Variants in GLI3 observed in about 807,000 individuals in gnomAD.
GLI3 encodes GLI family zinc finger 3, also known as transcription activator GLI3.
GLI3 carries 20 observed loss-of-function variants against 100.8 expected under a neutral mutation model. That is an observed-to-expected ratio of 0.20 (90% CI 0.14 to 0.29). The LOEUF is 0.29. Ranked by LOEUF, GLI3 falls within the 10% of genes least tolerant of loss-of-function variation. GLI3 has a pLI of 1.00. For synonymous variants in GLI3, 938 were observed against 860.5 expected, an observed-to-expected ratio of 1.09 and a Z score of -1.58; for missense variants, 2,040 against 2,128.5, an observed-to-expected ratio of 0.96 and a Z score of 0.82.
chr7:41,995,359 T>G (rs1478207912), intron 10 of GLI3, among the ~76,000 whole-genome samples: 1 of 152,134 alleles, frequency 6.6e-6, no homozygotes. Context: ...GAACCTGGTG[T>G]GTAGGCTGCA....
rs369643572 is a variant in GLI3, at chr7:41,967,736, T to C, written c.2291A>G (p.Gln764Arg). The C allele has an allele frequency of 6.2e-7, 1 of 1,614,234 alleles. No homozygotes were observed. Among genetic ancestry groups the C allele is most frequent in the Non-Finnish European group, 8.5e-7 (1 of 1,180,046 alleles). Residue 764 changes from glutamine to arginine, a missense_variant, in exon 14 of 15, where the codon CAA (glutamine) becomes CGA (arginine). Gln to Arg is a conservative substitution (Grantham distance 43, BLOSUM62 1). Coordinates refer to ENST00000395925, the MANE Select transcript of GLI3 (RefSeq NM_000168.6). ...ISTATTALALQARRNPAGTKW... is the reference protein window; with the variant it reads ...ISTATTALALRARRNPAGTKW... ...GGTCCCTGCCGGGTTTCTCCTGGCT[T>C]GCAAAGCAAGGGCTGTGGTTGCAGT...
intron 2 of GLI3, among the ~76,000 whole-genome samples, chr7:42,191,942 C>T (rs1787836444): frequency 6.6e-6 from 1 of 151,840 alleles, no homozygotes; most frequent in Non-Finnish European, 1.5e-5. Flanking sequence ...GCCAAAAGGT[C>T]ATACAAGCTA....
chr7:42,181,530 A>C (rs1457698820), intron 2 of GLI3, among the ~76,000 whole-genome samples: 1 of 152,128 alleles, frequency 6.6e-6, no homozygotes, highest in African/African-American at 2.4e-5. Flanking sequence ...GCCTGAGCCC[A>C]GGAGGTCAAG....
intron 10 of GLI3, among the ~76,000 whole-genome samples, chr7:41,984,387 C>A (rs1787755931): frequency 6.6e-6 from 1 of 152,202 alleles, no homozygotes. Flanking sequence ...GGGAAGTACA[C>A]TTCTGCTTTC....
intron 2 of GLI3, among the ~76,000 whole-genome samples, chr7:42,174,678 G>A (rs1171722743): frequency 3.9e-5 from 6 of 152,104 alleles, no homozygotes; most frequent in Non-Finnish European, 5.9e-5. Flanking sequence ...CACAGACCTC[G>A]GCTTTCATCT....
intron 2 of GLI3, among the ~76,000 whole-genome samples, chr7:42,182,987 T>C (rs1267043623): frequency 6.6e-6 from 1 of 151,574 alleles, no homozygotes; most frequent in Admixed American, 6.6e-5. Context: ...CTGGGAGGCC[T>C]AGGTGGGCAG....
At chr7:42,123,952 G>A (rs1039151259) in intron 3 of GLI3, among the ~76,000 whole-genome samples, 1 of 152,166 alleles carries the variant, frequency 6.6e-6, no homozygotes, top group African/African-American at 2.4e-5. Flanking sequence ...AGATTCGCAA[G>A]GTTGGTTCTG....
At chr7:42,009,865 C>G (rs1305997883) in intron 10 of GLI3, among the ~76,000 whole-genome samples, 1 of 152,224 alleles carries the variant, frequency 6.6e-6, no homozygotes, top group Non-Finnish European at 1.5e-5. Flanking sequence ...CTCCCCGTTC[C>G]TGGATCCCAC....
intron 2 of GLI3, among the ~76,000 whole-genome samples, chr7:42,182,888 C>G (rs1161982461): frequency 6.6e-6 from 1 of 151,258 alleles, no homozygotes; most frequent in Non-Finnish European, 1.5e-5. Context: ...TCAAGAATGG[C>G]CTGGCCAACA....
chr7:42,229,003 C>T (rs1344727608), intron 1 of GLI3, among the ~76,000 whole-genome samples: 2 of 152,180 alleles, frequency 1.3e-5, no homozygotes, highest in Non-Finnish European at 2.9e-5. Flanking sequence ...AAACCTCTAA[C>T]CCCCATGGGA....
chr7:42,014,937 G>A (rs985861515), intron 10 of GLI3, among the ~76,000 whole-genome samples: 21 of 152,224 alleles, frequency 1.4e-4, no homozygotes, highest in African/African-American at 4.6e-4. Flanking sequence ...ATTTTTAAAT[G>A]TTCATAAAAG....
chr7:42,089,704 A>G (rs949876003), intron 3 of GLI3, among the ~76,000 whole-genome samples: 4 of 152,222 alleles, frequency 2.6e-5, no homozygotes, highest in Non-Finnish European at 4.4e-5. Flanking sequence ...CTAGATTTCT[A>G]TAAAAACAAA....
At chr7:42,182,646 A>G (rs11767406) in intron 2 of GLI3, among the ~76,000 whole-genome samples, 15,884 of 61,790 alleles carry the variant, frequency 0.26, 1,628 homozygotes, top group South Asian at 0.38. Flanking sequence ...ATGTGTGTGT[A>G]TATATATATA....
intron 1 of GLI3, among the ~76,000 whole-genome samples, chr7:42,229,912 G>A (rs1431869515): frequency 3.9e-5 from 6 of 152,082 alleles, no homozygotes; most frequent in African/African-American, 1.4e-4. Context: ...ATGTATTCAT[G>A]CACCACAGAA....
chr7:42,137,605 T>C (rs1298011425), intron 3 of GLI3, among the ~76,000 whole-genome samples: 1 of 152,146 alleles, frequency 6.6e-6, no homozygotes, highest in Non-Finnish European at 1.5e-5. Flanking sequence ...ACAACATTCC[T>C]ACCCAAGTCT....
At chr7:42,040,303 C>T in intron 6 of GLI3, 64 bp from the exon 7 acceptor site, 1 of 1,189,300 alleles carries the variant, frequency 8.4e-7, no homozygotes, top group Non-Finnish European at 1.3e-6. Flanking sequence ...CTATTTATTG[C>T]TACTTGCCTA....
chr7:42,251,486 G>A (rs1362418048), intron 1 of GLI3, among the ~76,000 whole-genome samples: 2 of 152,142 alleles, frequency 1.3e-5, no homozygotes, highest in South Asian at 4.1e-4. Context: ...TTGGGGGAGT[G>A]GCTGGGGACC....
At position 41,961,424 on chromosome 7, in the gene GLI3, C is replaced by G. The variant is rs552163873; in HGVS notation, c.*2906G>C. Reference sequence around the variant, plus strand: ...TGGAGTGCTGATTGGGCAACACCAACTGGTCCCTCTCATTGACAAGATTAA... The same window carrying G: ...TGGAGTGCTGATTGGGCAACACCAAGTGGTCCCTCTCATTGACAAGATTAA... On this transcript the variant is annotated 3_prime_UTR_variant, in exon 15 of 15. Transcript: ENST00000395925. The G allele has an allele frequency of 6.6e-6, 1 of 152,598 alleles. No homozygotes were observed. Among genetic ancestry groups the G allele is most frequent in the East Asian group, 1.9e-4 (1 of 5,196 alleles). 9.5% of individuals were successfully genotyped at this position (152,598 alleles called of 1,614,324 possible).
intron 4 of GLI3, among the ~76,000 whole-genome samples, chr7:42,048,917 T>A (rs1156593476): frequency 6.6e-6 from 1 of 152,038 alleles, no homozygotes; most frequent in Non-Finnish European, 1.5e-5. Context: ...AATAAATTGA[T>A]CTCTGAGAAA....
Sources: gnomAD v4.1 joint callset for allele counts (sites outside exome capture counted in the v4.1 genomes callset) on GRCh38, gnomAD v4.1.1 for gene constraint, MANE v1.5 for transcripts, NCBI Gene and HGNC (gene_info 2026-07-23, HGNC 2026-07-21) for gene names.